LYN: variants seen among roughly 807,000 people sequenced by gnomAD.
LYN encodes the protein tyrosine-protein kinase Lyn.
LYN carries 12 observed loss-of-function variants against 65.0 expected under a neutral mutation model. The ratio of observed to expected loss-of-function variants is 0.18; its 90% CI spans 0.12 to 0.30. LYN has a LOEUF of 0.30. Among genes scored for constraint, LYN ranks in the 10% least tolerant of loss-of-function variants. The pLI, the probability that LYN is intolerant of heterozygous loss-of-function variation, is 1.00. For synonymous variants in LYN, 222 were observed against 221.2 expected (o/e 1.00, Z -0.03); for missense variants, 380 against 623.2 (o/e 0.61, Z 4.16).
chr8:55,924,524 C>T (rs1269623133), intron 1 of LYN, among the ~76,000 whole-genome samples: 1 of 151,506 alleles, frequency 6.6e-6, no homozygotes, highest in Admixed American at 6.6e-5. Context: ...CCACCATGCC[C>T]GGCTTATTTT....
At chr8:55,946,374 A>G in intron 2 of LYN, 74 bp from the exon 3 acceptor site, 1 of 949,018 alleles carries the variant, frequency 1.1e-6, no homozygotes, top group Non-Finnish European at 1.7e-6. Flanking sequence ...TGTTACAAAA[A>G]TCATATATAC....
At chr8:55,959,253 C>A (rs536892925) in intron 8 of LYN, among the ~76,000 whole-genome samples, 31 of 152,326 alleles carry the variant, frequency 2.0e-4, no homozygotes, top group African/African-American at 7.5e-4. Context: ...GACCAAGCAT[C>A]TTTTCATGTC....
chr8:55,984,524 T>C (rs1003705750), intron 10 of LYN, among the ~76,000 whole-genome samples: 1 of 152,252 alleles, frequency 6.6e-6, no homozygotes, highest in African/African-American at 2.4e-5. Flanking sequence ...CCTTTTACAT[T>C]GTATATCCAA....
chr8:55,880,212 C>T (rs959075222), intron 1 of LYN, 109 bp downstream of exon 1: 9 of 155,030 alleles, frequency 5.8e-5, no homozygotes, highest in Non-Finnish European at 7.1e-5. Flanking sequence ...AGACTCGGGG[C>T]CGGGGGCATC....
At chr8:55,966,693 C>T (rs1807469628) in intron 8 of LYN, 22 bp from the exon 9 acceptor site, 1 of 1,606,338 alleles carries the variant, frequency 6.2e-7, no homozygotes, top group African/African-American at 1.3e-5. Context: ...TAAAGCATGC[C>T]CGCCTTCTTT....
chr8:55,971,624 A>G (rs954762524), intron 10 of LYN, among the ~76,000 whole-genome samples: 4 of 152,242 alleles, frequency 2.6e-5, no homozygotes, highest in Non-Finnish European at 4.4e-5. Flanking sequence ...GAAGTTACAC[A>G]CATTGGGTAT....
intron 1 of LYN, among the ~76,000 whole-genome samples, chr8:55,928,377 C>T (rs895324483): frequency 3.9e-5 from 6 of 152,180 alleles, no homozygotes; most frequent in African/African-American, 1.4e-4. Context: ...AACTCCTGAC[C>T]TCAGGTGATC....
At chr8:55,931,182 A>G (rs1273317476) in intron 1 of LYN, among the ~76,000 whole-genome samples, 1 of 147,760 alleles carries the variant, frequency 6.8e-6, no homozygotes, top group Non-Finnish European at 1.5e-5. Context: ...ATTTTAAAAT[A>G]TAATATGTAA....
rs537861547 is a variant in LYN at position 55,974,974 on chromosome 8, G to A, written c.1050+5181G>A. On this transcript the variant is annotated intron_variant, in intron 10 of 12. Coordinates refer to ENST00000519728, the MANE Select transcript of LYN (RefSeq NM_002350.4). Reference sequence around the variant, plus strand: ...ACTCCATATATAATCTCCCCTCCACGTGGAAATTCTCATACATGACTCTTA... The same window carrying A: ...ACTCCATATATAATCTCCCCTCCACATGGAAATTCTCATACATGACTCTTA... Among the ~76,000 whole-genome samples, 67 of 152,236 alleles carry A rather than the reference G, an allele frequency of 4.4e-4. No homozygotes were observed. The Middle Eastern group carries it at 0.01, about 23-fold the overall frequency.
chr8:55,887,686 T>G (rs1296066073), intron 1 of LYN, among the ~76,000 whole-genome samples: 2 of 148,646 alleles, frequency 1.3e-5, no homozygotes, highest in African/African-American at 5.0e-5. Flanking sequence ...CTCGGCTCAC[T>G]GCAACCTCCA....
chr8:55,909,160 C>T (rs1217143879), intron 1 of LYN, among the ~76,000 whole-genome samples: 1 of 151,790 alleles, frequency 6.6e-6, no homozygotes, highest in African/African-American at 2.4e-5. Flanking sequence ...AGTAGGAAAC[C>T]CTGACCCAGA....
At chr8:55,895,351 C>G (rs141674473) in intron 1 of LYN, among the ~76,000 whole-genome samples, 1 of 152,120 alleles carries the variant, frequency 6.6e-6, no homozygotes, top group African/African-American at 2.4e-5. Context: ...GGGGAAATAA[C>G]TTGGCTGGAT....
chr8:56,001,308 G>A (rs1808504776), intron 12 of LYN, among the ~76,000 whole-genome samples: 1 of 152,196 alleles, frequency 6.6e-6, no homozygotes, highest in South Asian at 2.1e-4. Flanking sequence ...CGATGGATGA[G>A]AAAGAAGGCT....
At chr8:55,977,543 TTTTTG>T (rs1418679448) in intron 10 of LYN, among the ~76,000 whole-genome samples, 1 of 152,176 alleles carries the variant, frequency 6.6e-6, no homozygotes, top group African/African-American at 2.4e-5. Flanking sequence ...TTTGTTGCTG[TTTTTG>T]TTTTGTTTTT....
chr8:55,941,281 C>T (rs780375889), intron 1 of LYN, among the ~76,000 whole-genome samples: 54 of 152,310 alleles, frequency 3.5e-4, no homozygotes, highest in Non-Finnish European at 6.3e-4. Flanking sequence ...CTCTCTGGCC[C>T]TGACTCCTGA....
rs2130583409 is a variant in LYN, at chr8:55,998,392, G to A, written c.1097G>A (p.Arg366Gln). ...AYIERKNYIH[R>Q]DLRAANVLVS... ...ATCGAGCGGAAGAACTACATTCACC[G>A]GGACCTGCGAGCAGCTAATGTTCTG... Residue 366 changes from arginine (R) to glutamine (Q), a missense_variant, in exon 11 of 13, where the codon CGG becomes CAG. By Grantham distance (43) the Arg-to-Gln change is conservative. This residue lies in a region of LYN where 223 missense variants were observed against 430.0 expected (regional missense o/e 0.52). Transcript: ENST00000519728. 1 of 1,614,040 alleles carries A rather than the reference G, an allele frequency of 6.2e-7. No individual in the cohort carries two copies. The highest frequency in any genetic ancestry group is 8.5e-7 in the Non-Finnish European group (1 of 1,179,916).
rs16922412 is a variant in LYN, at chr8:55,923,273, C to A, written c.-5-18582C>A. ...TCAGTAGTTTCTCCTAATGGCAGTGCGGGCAATGTGAGAGATAAAGCAGGT... is the reference window on the plus strand; with the variant it reads ...TCAGTAGTTTCTCCTAATGGCAGTGAGGGCAATGTGAGAGATAAAGCAGGT... On this transcript the variant is annotated intron_variant, in intron 1 of 12. Coordinates refer to ENST00000519728, the MANE Select transcript of LYN (RefSeq NM_002350.4). Among the ~76,000 whole-genome samples, 548 of 152,188 alleles carry A rather than the reference C, an allele frequency of 3.6e-3. 14 individuals carry two copies. In the East Asian group the frequency reaches 0.058, roughly 16 times the overall value.
At chr8:55,918,874 C>T (rs1040740921) in intron 1 of LYN, among the ~76,000 whole-genome samples, 1 of 151,962 alleles carries the variant, frequency 6.6e-6, no homozygotes. Context: ...TCCACCTTCA[C>T]GGAGGTGGTA....
chr8:55,960,199 A>G (rs181698283), intron 8 of LYN, among the ~76,000 whole-genome samples: 10 of 152,368 alleles, frequency 6.6e-5, no homozygotes, highest in Admixed American at 5.9e-4. Flanking sequence ...TGGCAAATAT[A>G]TAAAAGAAAT....
Sources: gnomAD v4.1 joint callset for allele counts (sites outside exome capture counted in the v4.1 genomes callset) on GRCh38, gnomAD v4.1.1 for gene constraint, gnomAD v4.1.1 regional missense constraint, MANE v1.5 for transcripts, NCBI Gene and HGNC (gene_info 2026-07-23, HGNC 2026-07-21) for gene names.